DTX1: variants seen among roughly 807,000 people sequenced by gnomAD.
The protein encoded by DTX1 is E3 ubiquitin-protein ligase DTX1.
Under a neutral mutation model 57.8 loss-of-function variants are expected in DTX1, and 26 were observed. That is an observed-to-expected ratio of 0.45 (90% CI 0.33 to 0.62). The LOEUF is 0.62. Ranked by LOEUF, DTX1 falls within the 20% of genes least tolerant of loss-of-function variation. The pLI, the probability that DTX1 is intolerant of heterozygous loss-of-function variation, is 0.02. For missense variants in DTX1, 704 were observed against 895.3 expected (o/e 0.79, Z 2.73); for synonymous variants, 398 against 394.1 (o/e 1.01, Z -0.12).
rs959089784 is a variant in DTX1, at chr12:113,093,726, A to G, written c.1165+26A>G. 8 of 1,610,816 alleles carry G rather than the reference A, an allele frequency of 5.0e-6. No homozygotes were observed. The highest frequency in any genetic ancestry group is 6.8e-6 in the Non-Finnish European group (8 of 1,178,256). ...GTACGCCCTCCACGCCCTGCCTCACACGAGATGAACCCCACTAAGCCTTGA... is the reference window on the plus strand; with the variant it reads ...GTACGCCCTCCACGCCCTGCCTCACGCGAGATGAACCCCACTAAGCCTTGA... On this transcript the variant is annotated intron_variant, in intron 5 of 9. Transcript: ENST00000548759. This position sits in a 1 kb window ranked among gnomAD's most constrained non-coding sequence, Gnocchi z 4.2.
At chr12:113,088,593 G>T (rs140661134) in intron 3 of DTX1, among the ~76,000 whole-genome samples, 17 of 152,220 alleles carry the variant, frequency 1.1e-4, no homozygotes, top group African/African-American at 3.9e-4. Context: ...ATGTACCCTA[G>T]AACTTAAAGT....
chr12:113,092,762 G>A (rs761411555), intron 3 of DTX1, among the ~76,000 whole-genome samples: 2 of 152,182 alleles, frequency 1.3e-5, no homozygotes, highest in African/African-American at 4.8e-5. Flanking sequence ...TTCCTGGAAC[G>A]TTTTATGGAA....
chr12:113,058,793 T>G (rs1265670376), intron 2 of DTX1, among the ~76,000 whole-genome samples: 1 of 152,204 alleles, frequency 6.6e-6, no homozygotes, highest in African/African-American at 2.4e-5. Flanking sequence ...TAGCATGGGA[T>G]TGTAGAATAA....
In DTX1 at chr12:113,057,909, G is replaced by A. The variant is rs1334993746; in HGVS notation, c.-284G>A. On this transcript the variant is annotated 5_prime_UTR_variant, in exon 2 of 10. Transcript: ENST00000548759. ...ACCTGAGCCAGCCGAGGGGGCCAAGGACTTTAGAGCTGTTTCCTCCGGCAT... is the reference window on the plus strand; with the variant it reads ...ACCTGAGCCAGCCGAGGGGGCCAAGAACTTTAGAGCTGTTTCCTCCGGCAT... 2.6e-5 allele frequency: 12 copies of A among 459,052 alleles called. No individual in the cohort carries two copies. Among genetic ancestry groups the A allele is most frequent in the African/African-American group, 3.9e-5 (2 of 51,204 alleles). The allele number at this position is 459,052 out of a possible 1,614,324, so 28.4% of individuals were successfully genotyped here. A position where few individuals can be genotyped will look rare whatever the true frequency, so the allele number is the denominator to read the frequency against.
rs1950282288 is a variant in DTX1, at chr12:113,095,417, G to C, written c.1638+3G>C. 6.2e-7 allele frequency: 1 copy of C among 1,614,076 alleles called. No individual in the cohort carries two copies. The highest frequency in any genetic ancestry group is 1.3e-5 in the African/African-American group (1 of 74,952). On this transcript the variant is annotated splice_donor_region_variant and intron_variant, in intron 9 of 9. Coordinates refer to ENST00000548759, the MANE Select transcript of DTX1 (RefSeq NM_004416.3). ...CCAACAACGAGAAAGGCCGGAAGGT[G>C]GGTGCCCAGCCGTGAGGGCATGGGA... is the stretch of plus-strand genomic sequence containing the variant.
rs763277883 is a variant in DTX1 at position 113,093,599 on chromosome 12, A to G, written c.1064A>G (p.Lys355Arg). ...GLPVCLTRAPKPILHPPPVSK... is the reference protein window; with the variant it reads ...GLPVCLTRAPRPILHPPPVSK... ...CCCGTGTGCCTGACGCGGGCCCCCAAGCCCATCCTGCACCCGCCGCCCGTG... is the reference window on the plus strand; with the variant it reads ...CCCGTGTGCCTGACGCGGGCCCCCAGGCCCATCCTGCACCCGCCGCCCGTG... The change falls in exon 5 of 10, where the codon AAG (lysine) becomes AGG (arginine). Residue 355 changes from lysine to arginine, a missense_variant. Physicochemically the swap from Lys to Arg is conservative, Grantham distance 26 (BLOSUM62 2). Around this residue, in one of 3 missense-constraint regions of DTX1, gnomAD observed 299 missense variants for 311.2 expected, o/e 0.96. Coordinates refer to ENST00000548759, the MANE Select transcript of DTX1 (RefSeq NM_004416.3). This position sits in a 1 kb window ranked among gnomAD's most constrained non-coding sequence, Gnocchi z 4.2. The G allele has an allele frequency of 1.9e-6, 3 of 1,612,400 alleles. No homozygotes were observed. The highest frequency in any genetic ancestry group is 1.1e-5 in the South Asian group (1 of 90,974).
At chr12:113,062,093 C>T (rs1432178514) in intron 2 of DTX1, among the ~76,000 whole-genome samples, 1 of 151,442 alleles carries the variant, frequency 6.6e-6, no homozygotes. Context: ...CTGTAAAACC[C>T]AAAACTCATG....
intron 6 of DTX1, 65 bp from the exon 7 acceptor site, chr12:113,094,724 G>A: frequency 6.4e-7 from 1 of 1,560,174 alleles, no homozygotes; most frequent in Non-Finnish European, 8.7e-7. Context: ...CCACCAAGGG[G>A]CAGTGCTGAC....
rs1167664651 is a variant in DTX1 at position 113,077,930 on chromosome 12, G to A, written c.766G>A (p.Ala256Thr). The change falls in exon 3 of 10, where the codon GCC (alanine) becomes ACC (threonine). Residue 256 changes from alanine to threonine, a missense_variant. Coordinates refer to ENST00000548759, the MANE Select transcript of DTX1 (RefSeq NM_004416.3). The surrounding 1 kb of genome is among the most constrained non-coding windows in gnomAD (Gnocchi z 7.8). Reference sequence around the variant, plus strand: ...GCGCCCCAGCGCCACCTTCACAGGCGCCGCGCTCTGGGCAGCGCCCGCCGC... The same window carrying A: ...GCGCCCCAGCGCCACCTTCACAGGCACCGCGCTCTGGGCAGCGCCCGCCGC... Reference protein sequence around the residue: ...AVRPSATFTGAALWAAPAAGP... With the variant: ...AVRPSATFTGTALWAAPAAGP... 2 of 1,139,218 alleles carry A rather than the reference G, an allele frequency of 1.8e-6. No homozygotes were observed. The highest frequency in any genetic ancestry group is 3.7e-4 in the Middle Eastern group (1 of 2,728). 70.6% of individuals were successfully genotyped at this position (1,139,218 alleles called of 1,614,324 possible).
intron 2 of DTX1, among the ~76,000 whole-genome samples, chr12:113,069,494 A>T (rs2044725938): frequency 6.6e-6 from 1 of 152,142 alleles, no homozygotes; most frequent in African/African-American, 2.4e-5. Flanking sequence ...ACCCTGGAGA[A>T]CCTGGGCCAG....
chr12:113,073,247 G>T (rs2044749155), intron 2 of DTX1, among the ~76,000 whole-genome samples: 1 of 152,146 alleles, frequency 6.6e-6, no homozygotes, highest in Non-Finnish European at 1.5e-5. Flanking sequence ...CCCTCATTTT[G>T]CAGGTGGGGA....
chr12:113,059,186 G>A (rs1358942089), intron 2 of DTX1, among the ~76,000 whole-genome samples: 1 of 152,106 alleles, frequency 6.6e-6, no homozygotes, highest in Non-Finnish European at 1.5e-5. Flanking sequence ...ACAATGGAGG[G>A]ATGGATGATG....
At chr12:113,083,549 C>A (rs935340683) in intron 3 of DTX1, among the ~76,000 whole-genome samples, 4 of 152,236 alleles carry the variant, frequency 2.6e-5, no homozygotes, top group Non-Finnish European at 5.9e-5. Flanking sequence ...TGGTCTCGAA[C>A]TCCTGACCTC....
rs761739604 is a variant in DTX1 at position 113,078,086 on chromosome 12, C to T, written c.922C>T (p.Arg308Cys). ...GPQRTTSVSA[R>C]ASIPPGVPAL... Reference sequence around the variant, plus strand: ...CCAGCGCACCACCAGCGTGAGCGCGCGCGCCTCCATCCCGCCGGGGTAAGA... The same window carrying T: ...CCAGCGCACCACCAGCGTGAGCGCGTGCGCCTCCATCCCGCCGGGGTAAGA... The change falls in exon 3 of 10, where the codon CGC (arginine) becomes TGC (cysteine). Residue 308 changes from arginine (R) to cysteine (C), a missense_variant. Physicochemically the swap from Arg to Cys is radical, Grantham distance 180. Coordinates refer to ENST00000548759, the MANE Select transcript of DTX1 (RefSeq NM_004416.3). 1 of 1,400,208 alleles carries T rather than the reference C, an allele frequency of 7.1e-7. No individual in the cohort carries two copies. The highest frequency in any genetic ancestry group is 9.3e-7 in the Non-Finnish European group (1 of 1,076,878). 86.7% of individuals were successfully genotyped at this position (1,400,208 alleles called of 1,614,324 possible). A position where few individuals can be genotyped will look rare whatever the true frequency, so the allele number is the denominator to read the frequency against.
At chr12:113,060,615 A>G (rs1186792744) in intron 2 of DTX1, among the ~76,000 whole-genome samples, 1 of 152,196 alleles carries the variant, frequency 6.6e-6, no homozygotes, top group Non-Finnish European at 1.5e-5. Context: ...ATGGCAGCTG[A>G]GCAAGGACCG....
At chr12:113,088,841 TG>T (rs770449960) in intron 3 of DTX1, among the ~76,000 whole-genome samples, 1,466 of 7,118 alleles carry the variant, frequency 0.21, 9 homozygotes, top group Admixed American at 0.25. Flanking sequence ...TCAAAAGTTT[TG>T]TTGTTGTTGT....
At chr12:113,082,343 G>A (rs1166482286) in intron 3 of DTX1, among the ~76,000 whole-genome samples, 1 of 152,186 alleles carries the variant, frequency 6.6e-6, no homozygotes, top group Non-Finnish European at 1.5e-5. Context: ...AATCCCTCTG[G>A]CTCTCAAGAC....
At chr12:113,078,669 C>T (rs1028032433) in intron 3 of DTX1, among the ~76,000 whole-genome samples, 4 of 152,144 alleles carry the variant, frequency 2.6e-5, no homozygotes, top group Non-Finnish European at 4.4e-5. Context: ...GAGTCCAGAC[C>T]TGCCCAATTC....
chr12:113,082,322 C>T (rs985895481), intron 3 of DTX1, among the ~76,000 whole-genome samples: 1 of 152,164 alleles, frequency 6.6e-6, no homozygotes, highest in African/African-American at 2.4e-5. Context: ...TCCAAGAAAC[C>T]CCCCGGGGAA....
Sources: gnomAD v4.1 joint callset for allele counts (sites outside exome capture counted in the v4.1 genomes callset) on GRCh38, gnomAD v4.1.1 for gene constraint, gnomAD v4.1.1 regional missense constraint, Gnocchi (gnomAD v3.1) non-coding constraint, MANE v1.5 for transcripts, NCBI Gene and HGNC (gene_info 2026-07-23, HGNC 2026-07-21) for gene names.